Variants in F11R observed in about 807,000 individuals in gnomAD.
F11R encodes F11 receptor.
In F11R, 27 loss-of-function variants were observed where a neutral mutation model predicts 39.3. The observed-to-expected ratio is 0.69, with a 90% CI of 0.51 to 0.95. F11R has a LOEUF of 0.95. Among genes scored for constraint, F11R ranks in the 40% least tolerant of loss-of-function variants. The pLI is 0.00. For synonymous variants in F11R, 131 were observed against 144.9 expected (o/e 0.90, Z 0.69); for missense variants, 335 against 372.7 (o/e 0.90, Z 0.83).
In F11R at chr1:160,998,698, A is replaced by G; in HGVS notation, c.*173T>C. 1.6e-6 allele frequency: 1 copy of G among 641,602 alleles called. No individual in the cohort carries two copies. The highest frequency in any genetic ancestry group is 2.8e-6 in the Non-Finnish European group (1 of 358,462). 39.7% of individuals were successfully genotyped at this position (641,602 alleles called of 1,614,324 possible). ...GGTAGGAAAGGGAGGGAGGGCATGAAGGAGGATGGGGCACATAGCTGACAT... is the reference window on the plus strand; with the variant it reads ...GGTAGGAAAGGGAGGGAGGGCATGAGGGAGGATGGGGCACATAGCTGACAT... On this transcript the variant is annotated 3_prime_UTR_variant, in exon 10 of 10. Transcript: ENST00000368026.
At position 161,000,139 on chromosome 1, in the gene F11R, T is replaced by A. The variant is rs1362576044; in HGVS notation, c.591+7A>T. ...CCACACATCTTTCACCACCACCCCATACATACCAGCTCTCCTGTTGTGGGA... is the reference window on the plus strand; with the variant it reads ...CCACACATCTTTCACCACCACCCCAAACATACCAGCTCTCCTGTTGTGGGA... On this transcript the variant is annotated splice_region_variant and intron_variant, in intron 5 of 9. Coordinates refer to ENST00000368026, the MANE Select transcript of F11R (RefSeq NM_016946.6). 1 of 1,613,918 alleles carries A rather than the reference T, an allele frequency of 6.2e-7. No homozygotes were observed. The highest frequency in any genetic ancestry group is 2.2e-5 in the East Asian group (1 of 44,892).
chr1:161,017,030 G>T (rs1176865727), intron 1 of F11R, among the ~76,000 whole-genome samples: 2 of 152,226 alleles, frequency 1.3e-5, no homozygotes, highest in Non-Finnish European at 2.9e-5. Context: ...ATTAAGGGTT[G>T]TGCAAGATGT....
At chr1:161,007,436 G>A (rs1396676977) in intron 1 of F11R, among the ~76,000 whole-genome samples, 1 of 151,624 alleles carries the variant, frequency 6.6e-6, no homozygotes, top group East Asian at 1.9e-4. Flanking sequence ...TTGCACTCCA[G>A]CCTGGCCAAC....
At chr1:161,013,596 G>A (rs955321000) in intron 1 of F11R, among the ~76,000 whole-genome samples, 10 of 152,188 alleles carry the variant, frequency 6.6e-5, no homozygotes, top group African/African-American at 1.4e-4. Flanking sequence ...GGGCCTTTCC[G>A]GGGTTTGGGG....
intron 1 of F11R, among the ~76,000 whole-genome samples, chr1:161,012,208 T>G (rs1203974101): frequency 1.3e-5 from 2 of 152,222 alleles, no homozygotes; most frequent in African/African-American, 4.8e-5. Context: ...AACCATCCCT[T>G]GTACGTGAAG....
intron 1 of F11R, among the ~76,000 whole-genome samples, chr1:161,017,953 G>A (rs1649553436): frequency 6.6e-6 from 1 of 152,224 alleles, no homozygotes; most frequent in Non-Finnish European, 1.5e-5. Flanking sequence ...GAACTCTTCA[G>A]TGATGATACC....
intron 1 of F11R, among the ~76,000 whole-genome samples, chr1:161,007,018 A>T (rs568817573): frequency 1.3e-5 from 2 of 152,222 alleles, no homozygotes; most frequent in Non-Finnish European, 2.9e-5. Flanking sequence ...TATATATATA[A>T]AAATTAGCCG....
At chr1:161,016,845 AG>A (rs1385983268) in intron 1 of F11R, among the ~76,000 whole-genome samples, 8 of 152,162 alleles carry the variant, frequency 5.3e-5, no homozygotes, top group Non-Finnish European at 4.4e-5. Context: ...TGTGGGGAAA[AG>A]CAAGAGAGAT....
chr1:161,000,402 C>A, intron 4 of F11R, 54 bp from the exon 5 acceptor site: 2 of 1,565,830 alleles, frequency 1.3e-6, no homozygotes, highest in South Asian at 2.2e-5. Context: ...CTGCTTGAGT[C>A]TAAGTAACCA....
At chr1:161,002,381 T>C (rs1648547164) in intron 1 of F11R, among the ~76,000 whole-genome samples, 2 of 150,884 alleles carry the variant, frequency 1.3e-5, no homozygotes, top group African/African-American at 2.4e-5. Context: ...AAAGAAAAGA[T>C]AGTGTGTGCT....
At chr1:161,002,109 C>T (rs1648525881) in intron 1 of F11R, among the ~76,000 whole-genome samples, 2 of 151,798 alleles carry the variant, frequency 1.3e-5, no homozygotes, top group African/African-American at 4.8e-5. Context: ...ACTAATAATA[C>T]AAAAATTAGC....
chr1:161,000,002 T>C lies in F11R; in HGVS notation c.592-24A>G. On this transcript the variant is annotated intron_variant, in intron 5 of 9. Coordinates refer to ENST00000368026, the MANE Select transcript of F11R (RefSeq NM_016946.6). ...ACCTGAGGAAGGAAAACAAATTGGC[T>C]TCCTGCTGAAGAAGCAAAATAGACA... The C allele has an allele frequency of 3.1e-6, 5 of 1,611,428 alleles. 1 individual carries two copies. The highest frequency in any genetic ancestry group is 4.2e-6 in the Non-Finnish European group (5 of 1,177,622).
intron 1 of F11R, among the ~76,000 whole-genome samples, chr1:161,005,031 C>A (rs1648723938): frequency 6.6e-6 from 1 of 151,508 alleles, no homozygotes. Flanking sequence ...GGTGGTGGCA[C>A]TAGCCTGTAA....
At chr1:161,017,993 C>T (rs1649558566) in intron 1 of F11R, among the ~76,000 whole-genome samples, 1 of 152,198 alleles carries the variant, frequency 6.6e-6, no homozygotes, top group African/African-American at 2.4e-5. Context: ...GGAGCAAATG[C>T]CAGCATTCCA....
Position 161,017,692 on chromosome 1 carries a change from C to T in F11R, c.64+3318G>A, listed in dbSNP as rs1046892894. On this transcript the variant is annotated intron_variant, in intron 1 of 9. Coordinates refer to ENST00000368026, the MANE Select transcript of F11R (RefSeq NM_016946.6). ...CTCCATGTGCTGAACGCTGGTTCCC[C>T]GGGTCTCCTTATTTCTTTCTCTATA... Among the ~76,000 whole-genome samples, 10 of 152,282 alleles carry T rather than the reference C, an allele frequency of 6.6e-5. 1 individual carries two copies. The highest frequency in any genetic ancestry group is 4.6e-4 in the Admixed American group (7 of 15,298).
chr1:161,005,167 A>AAATAATAATAATAAT (rs71090350), intron 1 of F11R, among the ~76,000 whole-genome samples: 587 of 145,146 alleles, frequency 4.0e-3, no homozygotes, highest in Middle Eastern at 7.2e-3. Flanking sequence ...CTCAAAAATA[A>AAATAATAATAATAAT]AATAATAATA....
chr1:161,010,447 A>AAAAAAAAAAAAC (rs1553210829), intron 1 of F11R, among the ~76,000 whole-genome samples: 1 of 151,076 alleles, frequency 6.6e-6, no homozygotes, highest in African/African-American at 2.4e-5. Flanking sequence ...CCATCAAAAA[A>AAAAAAAAAAAAC]AAAAAAAAAA....
At chr1:161,002,278 A>C (rs1571009228) in intron 1 of F11R, among the ~76,000 whole-genome samples, 1 of 151,964 alleles carries the variant, frequency 6.6e-6, no homozygotes, top group East Asian at 1.9e-4. Flanking sequence ...AAAAAAAAAA[A>C]AAAAACACAC....
intron 1 of F11R, among the ~76,000 whole-genome samples, chr1:161,015,673 A>AAACAAC (rs1004320593): frequency 2.0e-5 from 3 of 151,042 alleles, no homozygotes; most frequent in Admixed American, 6.6e-5. Flanking sequence ...CCTGTTTCAA[A>AAACAAC]AACAACAACA....
Sources: gnomAD v4.1 joint callset for allele counts (sites outside exome capture counted in the v4.1 genomes callset) on GRCh38, gnomAD v4.1.1 for gene constraint, MANE v1.5 for transcripts, NCBI Gene and HGNC (gene_info 2026-07-23, HGNC 2026-07-21) for gene names.